Variants in LSAMP observed in about 807,000 individuals in gnomAD.
LSAMP encodes limbic system-associated membrane protein.
A neutral mutation model predicts 38.6 loss-of-function variants in LSAMP; 7 were observed. The ratio of observed to expected loss-of-function variants is 0.18; its 90% CI spans 0.10 to 0.34. The LOEUF (loss-of-function observed/expected upper bound fraction) is 0.34. LSAMP is among the 10% of genes least tolerant of loss of function. The probability of loss-of-function intolerance (pLI) is 1.00; values close to 1 mark genes in which losing one functional copy is unlikely to be tolerated. For synonymous variants in LSAMP, 154 were observed against 166.8 expected (o/e 0.92, Z 0.59); for missense variants, 313 against 420.0 (o/e 0.75, Z 2.23).
intron 6 of LSAMP, among the ~76,000 whole-genome samples, chr3:115,834,074 G>GA (rs1192253691): frequency 6.6e-6 from 1 of 151,932 alleles, no homozygotes; most frequent in East Asian, 1.9e-4. Context: ...AAGATTTTAA[G>GA]AAAAAATAAC....
chr3:116,222,461 G>A (rs997571061), intron 1 of LSAMP, among the ~76,000 whole-genome samples: 2 of 152,080 alleles, frequency 1.3e-5, no homozygotes, highest in Admixed American at 6.5e-5. Flanking sequence ...TTAAATGTGA[G>A]GTAGGAAAAA....
intron 1 of LSAMP, among the ~76,000 whole-genome samples, chr3:116,230,567 G>T (rs555219971): frequency 1.3e-5 from 2 of 152,124 alleles, no homozygotes; most frequent in Admixed American, 1.3e-4. Flanking sequence ...GCTGTCTCTA[G>T]TCCATAGGCT....
At position 115,976,314 on chromosome 3, in the gene LSAMP, C is replaced by T. The variant is rs555831150; in HGVS notation, c.514+43201G>A. On this transcript the variant is annotated intron_variant, in intron 3 of 6. Transcript: ENST00000490035. Reference sequence around the variant, plus strand: ...GAATTCAAAATAATTAAATTCACAACGAGAAGATTAGGGGAGATGGAAAGG... The same window carrying T: ...GAATTCAAAATAATTAAATTCACAATGAGAAGATTAGGGGAGATGGAAAGG... Among the ~76,000 whole-genome samples the T allele has an allele frequency of 8.6e-5, 13 of 152,044 alleles. No homozygotes were observed. In the East Asian group the frequency reaches 1.5e-3, roughly 18 times the overall value.
chr3:115,849,301 T>C (rs1935257240), intron 4 of LSAMP, among the ~76,000 whole-genome samples: 1 of 152,178 alleles, frequency 6.6e-6, no homozygotes, highest in Non-Finnish European at 1.5e-5. Flanking sequence ...AGAAGTGCTA[T>C]CCAAAAGAAG....
chr3:115,811,291 G>A (rs1933822762), intron 6 of LSAMP, among the ~76,000 whole-genome samples: 1 of 152,124 alleles, frequency 6.6e-6, no homozygotes, highest in African/African-American at 2.4e-5. Flanking sequence ...TGGAGAAGGG[G>A]CTTGTGTGTT....
At chr3:115,877,894 GGCTA>G (rs1199101368) in intron 3 of LSAMP, among the ~76,000 whole-genome samples, 2 of 152,074 alleles carry the variant, frequency 1.3e-5, no homozygotes, top group Non-Finnish European at 2.9e-5. Flanking sequence ...GTAGATCACA[GGCTA>G]CTGAAGAGAC....
At chr3:115,825,574 C>T (rs904025966) in intron 6 of LSAMP, among the ~76,000 whole-genome samples, 1 of 152,202 alleles carries the variant, frequency 6.6e-6, no homozygotes, top group Admixed American at 6.5e-5. Context: ...AACCTAAATA[C>T]TAATACCTAC....
intron 1 of LSAMP, among the ~76,000 whole-genome samples, chr3:116,325,284 G>C (rs1326511956): frequency 6.6e-6 from 1 of 152,018 alleles, no homozygotes; most frequent in East Asian, 1.9e-4. Flanking sequence ...GGAACTACAG[G>C]TGTATACCAC....
intron 2 of LSAMP, among the ~76,000 whole-genome samples, chr3:116,048,688 G>A (rs2107729520): frequency 6.6e-6 from 1 of 152,272 alleles, no homozygotes; most frequent in African/African-American, 2.4e-5. Flanking sequence ...TAGAAACTAT[G>A]CTATGTCCTT....
chr3:116,401,056 T>C (rs143935026), intron 1 of LSAMP, among the ~76,000 whole-genome samples: 1 of 152,160 alleles, frequency 6.6e-6, no homozygotes, highest in South Asian at 2.1e-4. Flanking sequence ...TTTAGCTGCG[T>C]ATTTTCCTAG....
intron 2 of LSAMP, among the ~76,000 whole-genome samples, chr3:116,080,972 G>A (rs527729074): frequency 6.6e-6 from 1 of 152,262 alleles, no homozygotes; most frequent in South Asian, 2.1e-4. Flanking sequence ...AGAAAGGGAA[G>A]GAAGAAGGAT....
intron 2 of LSAMP, among the ~76,000 whole-genome samples, chr3:116,082,259 T>G (rs545366578): frequency 4.6e-5 from 7 of 152,182 alleles, no homozygotes; most frequent in Non-Finnish European, 8.8e-5. Context: ...CTCTAGTACC[T>G]GCTCTGTAGA....
intron 2 of LSAMP, among the ~76,000 whole-genome samples, chr3:116,080,991 A>C (rs1000532809): frequency 3.3e-5 from 5 of 152,214 alleles, no homozygotes; most frequent in African/African-American, 1.2e-4. Context: ...ATGGGAGTGA[A>C]GGAAGAAAGA....
intron 1 of LSAMP, among the ~76,000 whole-genome samples, chr3:116,098,689 TGAG>T (rs1290717404): frequency 6.6e-6 from 1 of 152,168 alleles, no homozygotes; most frequent in African/African-American, 2.4e-5. Flanking sequence ...GACAATGGTG[TGAG>T]GAGGACTTCA....
rs1222370424 is a variant in LSAMP, at chr3:115,852,534, C to T, written c.598G>A (p.Ala200Thr). 3 of 1,613,668 alleles carry T rather than the reference C, an allele frequency of 1.9e-6. No homozygotes were observed. Among genetic ancestry groups the T allele is most frequent in the African/African-American group, 2.7e-5 (2 of 74,904 alleles). Residue 200 changes from alanine to threonine, a missense_variant, in exon 4 of 7, where the codon GCC becomes ACC. Physicochemically the swap from Ala to Thr is moderately conservative, Grantham distance 58. Coordinates refer to ENST00000490035, the MANE Select transcript of LSAMP (RefSeq NM_002338.5). ...ACATCCGCCGAGGAGACCTCGTTGGCAGCTTTGCACTCATATTTGCCTGAC... is the reference window on the plus strand; with the variant it reads ...ACATCCGCCGAGGAGACCTCGTTGGTAGCTTTGCACTCATATTTGCCTGAC... ...EQSGKYECKA[A>T]NEVSSADVKQ... is the part of the protein sequence containing the mutation.
chr3:115,956,374 C>T (rs987023456), intron 3 of LSAMP, among the ~76,000 whole-genome samples: 8 of 151,642 alleles, frequency 5.3e-5, no homozygotes, highest in African/African-American at 1.9e-4. Flanking sequence ...TGTAGTCCAT[C>T]TAGTCACTTC....
intron 1 of LSAMP, among the ~76,000 whole-genome samples, chr3:116,379,357 C>A (rs1320114584): frequency 6.6e-6 from 1 of 151,954 alleles, no homozygotes; most frequent in African/African-American, 2.4e-5. Context: ...AGAATCACGA[C>A]TCTTAGAGAT....
chr3:116,114,350 G>T (rs960889593), intron 1 of LSAMP, among the ~76,000 whole-genome samples: 1 of 152,164 alleles, frequency 6.6e-6, no homozygotes, highest in Non-Finnish European at 1.5e-5. Context: ...CAATGGGCTG[G>T]GAGCAGTGTC....
intron 1 of LSAMP, among the ~76,000 whole-genome samples, chr3:116,157,067 C>T (rs1175703848): frequency 6.6e-6 from 1 of 152,066 alleles, no homozygotes; most frequent in African/African-American, 2.4e-5. Flanking sequence ...TAGTGGTTTT[C>T]AAATACTTTG....
Sources: gnomAD v4.1 joint callset for allele counts (sites outside exome capture counted in the v4.1 genomes callset) on GRCh38, gnomAD v4.1.1 for gene constraint, MANE v1.5 for transcripts, NCBI Gene and HGNC (gene_info 2026-07-23, HGNC 2026-07-21) for gene names.